Variants in ZGRF1 observed in about 807,000 individuals in gnomAD.
ZGRF1 encodes zinc finger GRF-type containing 1.
Under a neutral mutation model 203.5 loss-of-function variants are expected in ZGRF1, and 196 were observed. The ratio of observed to expected loss-of-function variants is 0.96; its 90% confidence interval spans 0.86 to 1.08. ZGRF1 has a LOEUF of 1.08. ZGRF1 is among the 50% of genes least tolerant of loss of function. ZGRF1 has a pLI of 0.00. For missense variants in ZGRF1, 2,326 were observed against 2,416.3 expected, an observed-to-expected ratio of 0.96 and a Z score of 0.78; for synonymous variants, 809 against 841.3, an observed-to-expected ratio of 0.96 and a Z score of 0.66.
intron 24 of ZGRF1, among the ~76,000 whole-genome samples, chr4:112,545,297 A>C (rs1355317779): frequency 6.6e-6 from 1 of 152,032 alleles, no homozygotes; most frequent in Non-Finnish European, 1.5e-5. Flanking sequence ...ATAACTCAAC[A>C]ACAAAAAACC....
intron 3 of ZGRF1, among the ~76,000 whole-genome samples, chr4:112,630,886 CAAAA>C (rs755413043): frequency 1.9e-5 from 2 of 103,302 alleles, no homozygotes; most frequent in Non-Finnish European, 2.0e-5. Context: ...GATTCTGGCT[CAAAA>C]AAAAAAAAAA....
chr4:112,541,256 T>A lies in ZGRF1; in HGVS notation c.5611A>T (p.Ile1871Phe). Residue 1871 changes from isoleucine (I) to phenylalanine (F), a missense_variant, in exon 25 of 28, where the codon ATT becomes TTT. Transcript: ENST00000505019. ...CAACGGTATTGAGTTCTCAATAGAATTGGCTTGTGACCCTAAGAAATTTAA... is the reference window on the plus strand; with the variant it reads ...CAACGGTATTGAGTTCTCAATAGAAATGGCTTGTGACCCTAAGAAATTTAA... ...DRLCLMGHKP[I>F]LLRTQYRCHP... 6.4e-7 allele frequency: 1 copy of A among 1,565,536 alleles called. No individual in the cohort carries two copies. Among genetic ancestry groups the A allele is most frequent in the Non-Finnish European group, 8.7e-7 (1 of 1,149,874 alleles).
chr4:112,620,551 A>G (rs1358736055), intron 4 of ZGRF1, among the ~76,000 whole-genome samples: 3 of 152,128 alleles, frequency 2.0e-5, no homozygotes, highest in African/African-American at 7.2e-5. Context: ...CTGTCTCTAC[A>G]AAAAATTTTT....
Position 112,617,490 on chromosome 4 carries a change from A to G in ZGRF1, c.2552T>C (p.Val851Ala), listed in dbSNP as rs1306268743. 1.3e-6 allele frequency: 2 copies of G among 1,595,002 alleles called. No homozygotes were observed. The highest frequency in any genetic ancestry group is 2.3e-5 in the South Asian group (2 of 86,866). The change falls in exon 6 of 28, where the codon GTC becomes GCC. Residue 851 changes from valine (V) to alanine (A), a missense_variant. Transcript: ENST00000505019. ...CGTCTGTTGAGTTCCTTGCTGAAAG[A>G]CAGTATTTTTCTTTTTCAATATTTC... ...SLEILKKKNT[V>A]FQQGTQQTYE...
intron 18 of ZGRF1, chr4:112,561,238 T>C (rs1741916426): frequency 6.6e-6 from 3 of 453,188 alleles, no homozygotes; most frequent in African/African-American, 5.9e-5. Context: ...ATTTTACATA[T>C]TACTTGATGA....
rs1332658618 is a variant in ZGRF1 at position 112,585,732 on chromosome 4, A to G, written c.3917-7T>C. The G allele has an allele frequency of 3.4e-6, 5 of 1,463,006 alleles. No individual in the cohort carries two copies. The highest frequency in any genetic ancestry group is 4.6e-6 in the Non-Finnish European group (5 of 1,095,546). 90.6% of individuals were successfully genotyped at this position (1,463,006 alleles called of 1,614,324 possible). A position where few individuals can be genotyped will look rare whatever the true frequency, so the allele number is the denominator to read the frequency against. On this transcript the variant is annotated splice_polypyrimidine_tract_variant and splice_region_variant and intron_variant, in intron 13 of 27. Coordinates refer to ENST00000505019, the MANE Select transcript of ZGRF1 (RefSeq NM_018392.5). ...AGCAATATATTTAGATGTTCTACAA[A>G]AAAAAAAAAAAGAGAGCAGAAAATT...
intron 16 of ZGRF1, among the ~76,000 whole-genome samples, chr4:112,574,070 A>G (rs1209457799): frequency 1.3e-5 from 2 of 152,194 alleles, no homozygotes; most frequent in Non-Finnish European, 2.9e-5. Context: ...TGGCATCACA[A>G]TCTAAAGATG....
rs1745660135 is a variant in ZGRF1, at chr4:112,578,629, A to C, written c.4438+3034T>G. Among the ~76,000 whole-genome samples, 2 of 123,514 alleles carry C rather than the reference A, an allele frequency of 1.6e-5. 1 individual carries two copies. The highest frequency in any genetic ancestry group is 5.6e-5 in the African/African-American group (2 of 35,578). The allele number at this position is 123,514 out of a possible 152,430, so 81.0% of individuals were successfully genotyped here. A position where few individuals can be genotyped will look rare whatever the true frequency, so the allele number is the denominator to read the frequency against. On this transcript the variant is annotated intron_variant, in intron 16 of 27. Coordinates refer to ENST00000505019, the MANE Select transcript of ZGRF1 (RefSeq NM_018392.5). ...ACAGAAATACAAACTACCATCAAAG[A>C]ATACTATAAACACCTCTACGCAAAT...
At chr4:112,608,678 C>A (rs9307383) in intron 8 of ZGRF1, among the ~76,000 whole-genome samples, 2 of 152,046 alleles carry the variant, frequency 1.3e-5, no homozygotes, top group African/African-American at 4.8e-5. Flanking sequence ...AAGACAAAAA[C>A]GTGATCATTT....
intron 1 of ZGRF1, among the ~76,000 whole-genome samples, chr4:112,633,721 C>G (rs766945867): frequency 6.6e-6 from 1 of 152,216 alleles, no homozygotes; most frequent in Non-Finnish European, 1.5e-5. Flanking sequence ...AACACTGTTG[C>G]AACAGTTACT....
intron 20 of ZGRF1, 38 bp downstream of exon 20, chr4:112,558,112 C>T (rs1184220308): frequency 6.3e-7 from 1 of 1,576,200 alleles, no homozygotes; most frequent in South Asian, 1.2e-5. Flanking sequence ...AACAATATCC[C>T]AAAACATTAG....
intron 11 of ZGRF1, 72 bp from the exon 12 acceptor site, chr4:112,588,001 G>A: frequency 2.1e-5 from 25 of 1,178,908 alleles, no homozygotes; most frequent in South Asian, 4.8e-5. Context: ...GAAAACAGTG[G>A]GTATACAAAA....
At chr4:112,606,472 A>G (rs1037130472) in intron 8 of ZGRF1, among the ~76,000 whole-genome samples, 2 of 151,942 alleles carry the variant, frequency 1.3e-5, no homozygotes, top group Non-Finnish European at 2.9e-5. Flanking sequence ...GACCAGCCTG[A>G]CCACCATGGA....
intron 10 of ZGRF1, among the ~76,000 whole-genome samples, chr4:112,597,832 C>T (rs967618656): frequency 4.0e-5 from 6 of 150,228 alleles, no homozygotes; most frequent in Admixed American, 1.3e-4. Flanking sequence ...TGCAGTGAGC[C>T]GAGATCGTGC....
chr4:112,623,120 C>T (rs1435570616), intron 4 of ZGRF1, among the ~76,000 whole-genome samples: 3 of 152,174 alleles, frequency 2.0e-5, no homozygotes, highest in Non-Finnish European at 4.4e-5. Context: ...TTTTCTATGT[C>T]CCTGCATTAG....
At chr4:112,553,038 TA>T (rs1047581538) in intron 22 of ZGRF1, among the ~76,000 whole-genome samples, 1 of 152,226 alleles carries the variant, frequency 6.6e-6, no homozygotes, top group Non-Finnish European at 1.5e-5. Context: ...GCTGTTGTCT[TA>T]AAGTACTGAG....
intron 16 of ZGRF1, among the ~76,000 whole-genome samples, chr4:112,579,893 G>A (rs1243490420): frequency 8.2e-6 from 1 of 122,476 alleles, no homozygotes; most frequent in East Asian, 2.4e-4. Flanking sequence ...AGCTACCAAT[G>A]ACTTTCTTCA....
rs774867724 is a variant in ZGRF1, at chr4:112,619,138, A to G, written c.904T>C (p.Cys302Arg). Residue 302 changes from cysteine (C) to arginine (R), a missense_variant, in exon 6 of 28, where the codon TGT becomes CGT. Cys to Arg is a radical substitution (Grantham distance 180). Transcript: ENST00000505019. ...KPKYLIQQEE[C>R]AEMKSTENLY... Reference sequence around the variant, plus strand: ...TTTTCTGTGCTCTTCATCTCAGCACACTCTTCCTGTTGAATTAGGTACTTT... The same window carrying G: ...TTTTCTGTGCTCTTCATCTCAGCACGCTCTTCCTGTTGAATTAGGTACTTT... The G allele has an allele frequency of 1.9e-6, 3 of 1,613,568 alleles. No individual in the cohort carries two copies. Among genetic ancestry groups the G allele is most frequent in the Admixed American group, 1.7e-5 (1 of 59,984 alleles).
At chr4:112,544,715 T>C (rs893585939) in intron 24 of ZGRF1, among the ~76,000 whole-genome samples, 2 of 152,194 alleles carry the variant, frequency 1.3e-5, no homozygotes, top group Non-Finnish European at 2.9e-5. Flanking sequence ...TTTATATAGT[T>C]GTATAGTTTG....
Sources: gnomAD v4.1 joint callset for allele counts (sites outside exome capture counted in the v4.1 genomes callset) on GRCh38, gnomAD v4.1.1 for gene constraint, MANE v1.5 for transcripts, NCBI Gene and HGNC (gene_info 2026-07-23, HGNC 2026-07-21) for gene names.